The following MBD5 variants were observed in gnomAD, a reference collection of about 807,000 sequenced individuals.
The protein encoded by MBD5 is methyl-CpG binding domain protein 5, also known as methyl-CpG-binding domain protein 5.
A neutral mutation model predicts 117.3 loss-of-function variants in MBD5; 13 were observed. That is an observed-to-expected ratio of 0.11 (90% CI 0.07 to 0.18). The LOEUF is 0.18. Ranked by LOEUF, MBD5 falls within the 10% of genes least tolerant of loss-of-function variation. The pLI, the probability that MBD5 is intolerant of heterozygous loss-of-function variation, is 1.00. For synonymous variants in MBD5, 727 were observed against 766.4 expected, an observed-to-expected ratio of 0.95 and a Z score of 0.85; for missense variants, 1,879 against 2,093.8, an observed-to-expected ratio of 0.90 and a Z score of 2.00.
At position 148,483,807 on chromosome 2, in the gene MBD5, C is replaced by A. The variant is rs767347764; in HGVS notation, c.3216C>A (p.Phe1072Leu). The change falls in exon 9 of 14, where the codon TTC becomes TTA. Residue 1072 changes from phenylalanine (F) to leucine (L), a missense_variant. Physicochemically the swap from Phe to Leu is conservative, Grantham distance 22 (BLOSUM62 0). Coordinates refer to ENST00000642680, the MANE Select transcript of MBD5 (RefSeq NM_001378120.1). ...AGSDTTFNPL[F>L]LPAVNGASGL... ...GTGACACTACTTTTAACCCCCTGTT[C>A]CTCCCAGCTGTCAATGGGGCCTCAG... The A allele has an allele frequency of 6.4e-7, 1 of 1,550,560 alleles. No individual in the cohort carries two copies. The highest frequency in any genetic ancestry group is 1.2e-5 in the South Asian group (1 of 84,060).
intron 1 of MBD5, among the ~76,000 whole-genome samples, chr2:148,035,062 A>C (rs1054880771): frequency 6.6e-6 from 1 of 152,166 alleles, no homozygotes; most frequent in Non-Finnish European, 1.5e-5. Flanking sequence ...ATGACTATGA[A>C]TGATAGAGTA....
At chr2:148,268,830 C>A (rs1700917542) in intron 3 of MBD5, among the ~76,000 whole-genome samples, 1 of 151,832 alleles carries the variant, frequency 6.6e-6, no homozygotes, top group South Asian at 2.1e-4. Flanking sequence ...TTAAACTCTA[C>A]TTCATCATGT....
chr2:148,127,509 G>A (rs1031117790), intron 1 of MBD5, among the ~76,000 whole-genome samples: 7 of 152,108 alleles, frequency 4.6e-5, no homozygotes, highest in African/African-American at 1.7e-4. Context: ...TCCTGTATTA[G>A]TTTGCTGAGG....
At position 148,288,474 on chromosome 2, in the gene MBD5, T is replaced by C. The variant is rs1701420287; in HGVS notation, c.-679-53740T>C. ...TCATAGCATTGACTAAAGTGGGCTG[T>C]CAGTGTTGATAGTGACATTTATTTA... On this transcript the variant is annotated intron_variant, in intron 3 of 13. Transcript: ENST00000642680. Among the ~76,000 whole-genome samples the C allele has an allele frequency of 1.3e-5, 2 of 150,698 alleles. 1 individual carries two copies. The highest frequency in any genetic ancestry group is 3.0e-5 in the Non-Finnish European group (2 of 67,688).
At position 148,336,889 on chromosome 2, in the gene MBD5, G is replaced by A. The variant is rs34366123; in HGVS notation, c.-679-5325G>A. ...GCTTGGCCTCTGGACTTCATATACTGGATCCACTGCCATGGTCCTTGCTGT... is the reference window on the plus strand; with the variant it reads ...GCTTGGCCTCTGGACTTCATATACTAGATCCACTGCCATGGTCCTTGCTGT... On this transcript the variant is annotated intron_variant, in intron 3 of 13. Transcript: ENST00000642680. Among the ~76,000 whole-genome samples the A allele has an allele frequency of 6.2e-3, 936 of 152,136 alleles. 17 individuals carry two copies. Among genetic ancestry groups the A allele is most frequent in the African/African-American group, 0.021 (890 of 41,504 alleles).
intron 4 of MBD5, among the ~76,000 whole-genome samples, chr2:148,363,717 G>A (rs1282911929): frequency 6.6e-6 from 1 of 151,962 alleles, no homozygotes; most frequent in African/African-American, 2.4e-5. Context: ...ATCAATAGCT[G>A]AATCAATCAA....
chr2:148,143,388 CAGA>C (rs1329274624), intron 1 of MBD5, among the ~76,000 whole-genome samples: 2 of 152,086 alleles, frequency 1.3e-5, no homozygotes, highest in Non-Finnish European at 2.9e-5. Flanking sequence ...ACAAACGTGG[CAGA>C]AGAATGCTGG....
intron 1 of MBD5, among the ~76,000 whole-genome samples, chr2:148,120,976 T>C (rs1030864706): frequency 6.6e-6 from 1 of 152,224 alleles, no homozygotes; most frequent in African/African-American, 2.4e-5. Context: ...GATTAAGTTA[T>C]TGATTTAAAA....
intron 1 of MBD5, among the ~76,000 whole-genome samples, chr2:148,058,376 A>G (rs1694930500): frequency 6.6e-6 from 1 of 151,980 alleles, no homozygotes; most frequent in Admixed American, 6.6e-5. Flanking sequence ...ATTCAAACCT[A>G]TCTCATCGCT....
intron 1 of MBD5, among the ~76,000 whole-genome samples, chr2:148,126,591 C>G (rs899189579): frequency 2.6e-5 from 4 of 151,996 alleles, no homozygotes; most frequent in African/African-American, 9.7e-5. Context: ...AAGGGAAAAA[C>G]GAAGCAATCC....
intron 2 of MBD5, among the ~76,000 whole-genome samples, chr2:148,213,433 G>A (rs1699478211): frequency 6.6e-6 from 1 of 151,962 alleles, no homozygotes; most frequent in South Asian, 2.1e-4. Flanking sequence ...AATTATGTAT[G>A]GGGCAGGGAG....
intron 3 of MBD5, among the ~76,000 whole-genome samples, chr2:148,286,487 A>G (rs1353626073): frequency 3.3e-5 from 5 of 152,142 alleles, no homozygotes; most frequent in Non-Finnish European, 7.4e-5. Flanking sequence ...GTAAGCTGTA[A>G]TCACTTTCTC....
chr2:148,187,327 C>T (rs896849083), intron 2 of MBD5, among the ~76,000 whole-genome samples: 1 of 151,154 alleles, frequency 6.6e-6, no homozygotes, highest in Admixed American at 6.6e-5. Context: ...AAAAAAAACC[C>T]AGCACCTAAG....
intron 4 of MBD5, among the ~76,000 whole-genome samples, chr2:148,388,475 AG>A (rs1704448383): frequency 1.3e-5 from 2 of 152,196 alleles, no homozygotes; most frequent in Admixed American, 1.3e-4. Context: ...TGGGTTTGTA[AG>A]CATGTGTTAT....
chr2:148,153,030 A>G (rs2105672769), intron 1 of MBD5, among the ~76,000 whole-genome samples: 1 of 150,264 alleles, frequency 6.7e-6, no homozygotes, highest in Admixed American at 6.6e-5. Flanking sequence ...GTTTCTTCCT[A>G]GTCTCGATGG....
At chr2:148,241,601 C>G (rs575205082) in intron 3 of MBD5, among the ~76,000 whole-genome samples, 5 of 151,904 alleles carry the variant, frequency 3.3e-5, no homozygotes, top group East Asian at 1.9e-4. Context: ...CTTTCTGGGC[C>G]CCCCCTCCCT....
intron 3 of MBD5, among the ~76,000 whole-genome samples, chr2:148,293,328 G>C (rs1701546774): frequency 6.6e-6 from 1 of 151,976 alleles, no homozygotes; most frequent in Non-Finnish European, 1.5e-5. Context: ...ATTGTATTGT[G>C]ATAGCATAAT....
At chr2:148,061,056 T>C (rs942584707) in intron 1 of MBD5, among the ~76,000 whole-genome samples, 1 of 152,156 alleles carries the variant, frequency 6.6e-6, no homozygotes, top group Non-Finnish European at 1.5e-5. Context: ...GAAATAGTTT[T>C]TGCGGTTTAA....
At chr2:148,103,506 A>G (rs1037838464) in intron 1 of MBD5, among the ~76,000 whole-genome samples, 5 of 152,154 alleles carry the variant, frequency 3.3e-5, no homozygotes, top group Non-Finnish European at 5.9e-5. Flanking sequence ...GAACCTTTCC[A>G]GGAAGCAACG....
Sources: gnomAD v4.1 joint callset for allele counts (sites outside exome capture counted in the v4.1 genomes callset) on GRCh38, gnomAD v4.1.1 for gene constraint, MANE v1.5 for transcripts, NCBI Gene and HGNC (gene_info 2026-07-23, HGNC 2026-07-21) for gene names.